Variants in UBR3 observed in about 807,000 individuals in gnomAD.
UBR3 encodes ubiquitin protein ligase E3 component n-recognin 3.
A neutral mutation model predicts 243.2 loss-of-function variants in UBR3; 85 were observed. That is an observed-to-expected ratio of 0.35 (90% CI 0.29 to 0.42). The LOEUF (loss-of-function observed/expected upper bound fraction) is 0.42, where lower values mean the gene tolerates loss of function less well. Ranked by LOEUF, UBR3 falls within the 10% of genes least tolerant of loss-of-function variation. UBR3 has a pLI of 1.00. For synonymous variants in UBR3, 748 were observed against 799.8 expected (o/e 0.94, Z 1.09); for missense variants, 1,686 against 2,300.8 (o/e 0.73, Z 5.47).
At chr2:169,950,116 ATTTTC>A (rs766320597) in intron 23 of UBR3, 51 bp downstream of exon 23, 1 of 1,476,914 alleles carries the variant, frequency 6.8e-7, no homozygotes, top group Non-Finnish European at 9.1e-7. Context: ...AAAATTTGAT[ATTTTC>A]TTCCTTTTGG....
intron 1 of UBR3, among the ~76,000 whole-genome samples, chr2:169,840,800 G>A (rs2105283941): frequency 6.6e-6 from 1 of 152,244 alleles, no homozygotes; most frequent in Admixed American, 6.5e-5. Flanking sequence ...GTGGACACTG[G>A]GAAGGCTGCT....
intron 35 of UBR3, among the ~76,000 whole-genome samples, chr2:170,069,725 T>G (rs529370651): frequency 6.6e-6 from 1 of 152,140 alleles, no homozygotes; most frequent in Admixed American, 6.5e-5. Flanking sequence ...TTCATTCATG[T>G]TGTGATAAAT....
In UBR3 at chr2:169,877,538, C is replaced by G; in HGVS notation, c.889C>G (p.Leu297Val). ...ACVKKSHEKY[L>V]IALKSSGLTY... ...TGTAAAGAAAAGTCATGAAAAGTAC[C>G]TTATAGCTTTAAAGAGCTCTGGACT... Residue 297 changes from leucine to valine, a missense_variant, in exon 4 of 39, where the codon CTT becomes GTT. By Grantham distance (32) the Leu-to-Val change is conservative. This residue lies in a region of UBR3 where 200 missense variants were observed against 231.6 expected (regional missense o/e 0.86). Coordinates refer to ENST00000272793, the MANE Select transcript of UBR3 (RefSeq NM_172070.4). 7 of 1,546,390 alleles carry G rather than the reference C, an allele frequency of 4.5e-6. No individual in the cohort carries two copies. Among genetic ancestry groups the G allele is most frequent in the Non-Finnish European group, 6.1e-6 (7 of 1,145,886 alleles).
chr2:169,970,122 T>C (rs1316796862), intron 24 of UBR3, among the ~76,000 whole-genome samples: 1 of 151,866 alleles, frequency 6.6e-6, no homozygotes, highest in Non-Finnish European at 1.5e-5. Flanking sequence ...ATTCTTCCAA[T>C]CCATGACATG....
At chr2:170,063,716 A>G (rs1261880419) in intron 35 of UBR3, among the ~76,000 whole-genome samples, 1 of 152,174 alleles carries the variant, frequency 6.6e-6, no homozygotes, top group African/African-American at 2.4e-5. Context: ...TCATGCTGTC[A>G]TCTTCCAATA....
At chr2:169,857,384 TCTTA>T (rs1158008246) in intron 1 of UBR3, among the ~76,000 whole-genome samples, 2 of 152,088 alleles carry the variant, frequency 1.3e-5, no homozygotes, top group Non-Finnish European at 2.9e-5. Flanking sequence ...TGTTCTGAGG[TCTTA>T]CTTTATGTAA....
chr2:169,837,392 C>T (rs1319581505), intron 1 of UBR3, among the ~76,000 whole-genome samples: 2 of 152,244 alleles, frequency 1.3e-5, no homozygotes, highest in Non-Finnish European at 2.9e-5. Flanking sequence ...AAGAGAATTG[C>T]TTGAACCTGG....
At chr2:169,856,292 G>A (rs1256591568) in intron 1 of UBR3, among the ~76,000 whole-genome samples, 5 of 150,940 alleles carry the variant, frequency 3.3e-5, no homozygotes, top group Non-Finnish European at 5.9e-5. Flanking sequence ...GGGCAGAGAC[G>A]CTCCTCACTT....
Position 169,906,124 on chromosome 2 carries a change from C to G in UBR3, c.1739C>G (p.Ala580Gly), listed in dbSNP as rs536077861. 1.3e-6 allele frequency: 2 copies of G among 1,551,050 alleles called. No individual in the cohort carries two copies. Among genetic ancestry groups the G allele is most frequent in the South Asian group, 2.4e-5 (2 of 83,916 alleles). ...TTTGCTGCTGAACTTGAGGCCTGTG[C>G]ACAGCCAATGTGGGGGCTTTTATCA... ...AAFAAELEAC[A>G]QPMWGLLSHC... Residue 580 changes from alanine (A) to glycine (G), a missense_variant, in exon 10 of 39, where the codon GCA (alanine) becomes GGA (glycine). Physicochemically the swap from Ala to Gly is moderately conservative, Grantham distance 60. This residue lies in a region of UBR3 where 346 missense variants were observed against 585.8 expected (regional missense o/e 0.59). Transcript: ENST00000272793.
chr2:170,080,567 G>T lies in UBR3; in HGVS notation c.5432G>T (p.Gly1811Val). Residue 1811 changes from glycine to valine, a missense_variant, in exon 38 of 39, where the codon GGA (glycine) becomes GTA (valine). By Grantham distance (109) the Gly-to-Val change is moderately radical. Transcript: ENST00000272793. ...TAGCACTCTCAGAACTGTGGTGCAG[G>T]AACAGGTATTTTCCTTTTGATCAAT... is the stretch of plus-strand genomic sequence containing the variant. The part of the protein sequence containing the change: ...CVLHSQNCGA[G>V]TGIFLLINAS... 1 of 1,613,338 alleles carries T rather than the reference G, an allele frequency of 6.2e-7. No individual in the cohort carries two copies. The highest frequency in any genetic ancestry group is 8.5e-7 in the Non-Finnish European group (1 of 1,179,654).
intron 6 of UBR3, among the ~76,000 whole-genome samples, chr2:169,893,543 G>C (rs1307151213): frequency 6.6e-6 from 1 of 152,190 alleles, no homozygotes; most frequent in African/African-American, 2.4e-5. Context: ...AGGTACAGCA[G>C]TGTGCTGTGG....
chr2:169,991,804 G>A (rs535131971), intron 25 of UBR3, among the ~76,000 whole-genome samples: 2 of 152,118 alleles, frequency 1.3e-5, no homozygotes, highest in East Asian at 1.9e-4. Context: ...GGATGGTCTC[G>A]ATCTCCTGAC....
In UBR3 at chr2:169,827,853, C is replaced by G. The variant is rs1400929910; in HGVS notation, c.346C>G (p.Pro116Ala). ...CTGCGCGGCGGTGCGGGCCTACGATCCCGCGGCGCTCTGCGGCCTGGTCTG... is the reference window on the plus strand; with the variant it reads ...CTGCGCGGCGGTGCGGGCCTACGATGCCGCGGCGCTCTGCGGCCTGGTCTG... ...EFCAAVRAYD[P>A]AALCGLVWTA... Residue 116 changes from proline (P) to alanine (A), a missense_variant, in exon 1 of 39, where the codon CCC becomes GCC. This residue lies in a region of UBR3 where 145 missense variants were observed against 243.8 expected (regional missense o/e 0.59). Transcript: ENST00000272793. 1 of 1,504,838 alleles carries G rather than the reference C, an allele frequency of 6.6e-7. No individual in the cohort carries two copies. Among genetic ancestry groups the G allele is most frequent in the East Asian group, 2.7e-5 (1 of 37,004 alleles). The allele number at this position is 1,504,838 out of a possible 1,614,324, so 93.2% of individuals were successfully genotyped here.
intron 1 of UBR3, among the ~76,000 whole-genome samples, chr2:169,838,170 G>C (rs2082168387): frequency 6.6e-6 from 1 of 152,114 alleles, no homozygotes. Context: ...AAAGATACAT[G>C]TTCAAGTATG....
intron 24 of UBR3, among the ~76,000 whole-genome samples, chr2:169,976,645 C>T (rs887049826): frequency 1.3e-5 from 2 of 152,038 alleles, no homozygotes; most frequent in African/African-American, 4.8e-5. Flanking sequence ...ATGGGGATTC[C>T]CTTATATGTA....
chr2:169,894,392 C>G (rs1403865746), intron 6 of UBR3, among the ~76,000 whole-genome samples: 1 of 145,956 alleles, frequency 6.9e-6, no homozygotes, highest in Non-Finnish European at 1.5e-5. Context: ...ATGTTAACCA[C>G]TACTATATAT....
intron 31 of UBR3, among the ~76,000 whole-genome samples, chr2:170,037,507 C>A (rs2090863947): frequency 1.3e-5 from 2 of 152,218 alleles, no homozygotes; most frequent in East Asian, 3.9e-4. Context: ...TCTGACTCAG[C>A]CTCCCAAATA....
intron 25 of UBR3, among the ~76,000 whole-genome samples, chr2:169,990,716 TACACACACACAC>T (rs147119929): frequency 1.8e-4 from 25 of 142,084 alleles, no homozygotes; most frequent in African/African-American, 1.1e-4. Context: ...AAAAAAGTTA[TACACACACACAC>T]ACACACACAC....
chr2:169,960,480 C>T (rs990290308), intron 24 of UBR3, among the ~76,000 whole-genome samples: 4 of 152,006 alleles, frequency 2.6e-5, no homozygotes, highest in Non-Finnish European at 5.9e-5. Flanking sequence ...TATTTAGCAT[C>T]AGTTGACTTT....
Sources: gnomAD v4.1 joint callset for allele counts (sites outside exome capture counted in the v4.1 genomes callset) on GRCh38, gnomAD v4.1.1 for gene constraint, gnomAD v4.1.1 regional missense constraint, MANE v1.5 for transcripts, NCBI Gene and HGNC (gene_info 2026-07-23, HGNC 2026-07-21) for gene names.